Variants in SSBP2 observed in about 807,000 individuals in gnomAD.
The protein encoded by SSBP2 is single-stranded DNA-binding protein 2.
A neutral mutation model predicts 61.8 loss-of-function variants in SSBP2; 17 were observed. That is an observed-to-expected ratio of 0.28 (90% CI 0.19 to 0.41). The LOEUF (loss-of-function observed/expected upper bound fraction) is 0.41. SSBP2 is among the 10% of genes least tolerant of loss of function. SSBP2 has a pLI of 1.00. For missense variants in SSBP2, 310 were observed against 458.7 expected, an observed-to-expected ratio of 0.68 and a Z score of 2.96; for synonymous variants, 139 against 141.3, an observed-to-expected ratio of 0.98 and a Z score of 0.12.
chr5:81,588,824 G>C (rs988123644), intron 4 of SSBP2, among the ~76,000 whole-genome samples: 1 of 152,178 alleles, frequency 6.6e-6, no homozygotes, highest in Non-Finnish European at 1.5e-5. Flanking sequence ...AGCACTTTGG[G>C]AGGCTGAGGC....
intron 1 of SSBP2, among the ~76,000 whole-genome samples, chr5:81,750,427 C>G (rs1372964777): frequency 3.4e-5 from 5 of 145,998 alleles, no homozygotes; most frequent in Non-Finnish European, 7.6e-5. Flanking sequence ...CCGCCGCGCG[C>G]CCGGCACCGC....
At position 81,488,060 on chromosome 5, in the gene SSBP2, A is replaced by ATATAT. The variant is rs1561459590; in HGVS notation, c.432+1189_432+1190insATATA. On this transcript the variant is annotated intron_variant, in intron 6 of 16. Coordinates refer to ENST00000320672, the MANE Select transcript of SSBP2 (RefSeq NM_012446.5). ...ATATATATATATATATATATATATA[A>ATATAT]ATAAAATATCATATATTATATATAT... Among the ~76,000 whole-genome samples the ATATAT allele has an allele frequency of 1.2e-3, 69 of 56,774 alleles. 1 individual carries two copies. Among genetic ancestry groups the ATATAT allele is most frequent in the South Asian group, 8.4e-3 (12 of 1,424 alleles). 37.2% of individuals were successfully genotyped at this position (56,774 alleles called of 152,430 possible).
intron 15 of SSBP2, among the ~76,000 whole-genome samples, chr5:81,435,704 A>ATATC (rs747360292): frequency 5.3e-5 from 8 of 152,190 alleles, no homozygotes; most frequent in Non-Finnish European, 1.2e-4. Flanking sequence ...AATTTTGTTT[A>ATATC]TATCTATCTT....
In SSBP2 at chr5:81,737,797, A is replaced by C. The variant is rs558062130; in HGVS notation, c.62+13184T>G. Among the ~76,000 whole-genome samples, 611 of 151,398 alleles carry C rather than the reference A, an allele frequency of 4.0e-3. 8 individuals are homozygous for C. The highest frequency in any genetic ancestry group is 0.014 in the African/African-American group (577 of 41,312). ...AGTGAGACTCCATCTCAAAAAAAAA[A>C]AAAAAACAAAAAACTCAGCCCTGTT... On this transcript the variant is annotated intron_variant, in intron 1 of 16. Coordinates refer to ENST00000320672, the MANE Select transcript of SSBP2 (RefSeq NM_012446.5).
intron 1 of SSBP2, among the ~76,000 whole-genome samples, chr5:81,676,742 CAAAT>C (rs1163275086): frequency 7.2e-4 from 109 of 151,958 alleles, no homozygotes; most frequent in African/African-American, 2.5e-3. Flanking sequence ...AGAAATTACG[CAAAT>C]AAATAATTAT....
chr5:81,750,029 C>T (rs1382637683), intron 1 of SSBP2, among the ~76,000 whole-genome samples: 2 of 151,484 alleles, frequency 1.3e-5, no homozygotes, highest in East Asian at 3.9e-4. Context: ...CCCCGACCAC[C>T]GCCCCGCCGG....
At chr5:81,459,790 C>T (rs1040330107) in intron 10 of SSBP2, among the ~76,000 whole-genome samples, 1 of 152,116 alleles carries the variant, frequency 6.6e-6, no homozygotes, top group Non-Finnish European at 1.5e-5. Flanking sequence ...GCTAATAGAT[C>T]ATAAGAAGTA....
At position 81,573,284 on chromosome 5, in the gene SSBP2, T is replaced by C. The variant is rs117055271; in HGVS notation, c.282+42189A>G. 6.6e-4 allele frequency among the ~76,000 whole-genome samples: 101 copies of C among 152,362 alleles called. 1 individual carries two copies. In the East Asian group the frequency reaches 0.019, roughly 28 times the overall value. On this transcript the variant is annotated intron_variant, in intron 4 of 16. Coordinates refer to ENST00000320672, the MANE Select transcript of SSBP2 (RefSeq NM_012446.5). ...CATGGAATGGCTTAAAGGTTCCATATAAACTTGATAATGAAATGAAAAGAT... is the reference window on the plus strand; with the variant it reads ...CATGGAATGGCTTAAAGGTTCCATACAAACTTGATAATGAAATGAAAAGAT...
intron 4 of SSBP2, 65 bp from the exon 5 acceptor site, chr5:81,513,782 T>C (rs1383466372): frequency 3.6e-5 from 36 of 1,004,230 alleles, no homozygotes; most frequent in Non-Finnish European, 1.9e-5. Context: ...CAAAGACTAA[T>C]GATAATAGAT....
chr5:81,740,581 C>CCCTTGT (rs1756948220), intron 1 of SSBP2, among the ~76,000 whole-genome samples: 1 of 152,124 alleles, frequency 6.6e-6, no homozygotes, highest in Admixed American at 6.6e-5. Context: ...CCAAAAAAAG[C>CCCTTGT]CCAATAGGCC....
intron 5 of SSBP2, among the ~76,000 whole-genome samples, chr5:81,506,822 C>T (rs1331443311): frequency 6.6e-6 from 1 of 151,996 alleles, no homozygotes; most frequent in Admixed American, 6.6e-5. Context: ...TTAACCAGGA[C>T]TTATAAAACC....
intron 4 of SSBP2, among the ~76,000 whole-genome samples, chr5:81,514,361 T>C (rs1768846611): frequency 6.6e-6 from 1 of 151,948 alleles, no homozygotes; most frequent in South Asian, 2.1e-4. Flanking sequence ...AATTGAAAAA[T>C]TCAAAGTCTA....
chr5:81,666,820 TTCTG>T (rs1751173867), intron 1 of SSBP2, among the ~76,000 whole-genome samples: 3 of 152,320 alleles, frequency 2.0e-5, no homozygotes, highest in African/African-American at 4.8e-5. Flanking sequence ...AATCTTTACT[TTCTG>T]TCTGTGTTAT....
At chr5:81,557,263 T>C (rs567986652) in intron 4 of SSBP2, among the ~76,000 whole-genome samples, 1 of 152,314 alleles carries the variant, frequency 6.6e-6, no homozygotes, top group Admixed American at 6.5e-5. Flanking sequence ...GGCTGCTTTT[T>C]AGATTTTCTC....
chr5:81,449,812 C>A (rs539552605), intron 10 of SSBP2, among the ~76,000 whole-genome samples: 1 of 152,288 alleles, frequency 6.6e-6, no homozygotes, highest in African/African-American at 2.4e-5. Flanking sequence ...CTTACGCACA[C>A]AACACATGTC....
At chr5:81,731,348 C>T (rs906517608) in intron 1 of SSBP2, among the ~76,000 whole-genome samples, 8 of 152,234 alleles carry the variant, frequency 5.3e-5, no homozygotes, top group Middle Eastern at 3.4e-3. Flanking sequence ...CTAATATTTT[C>T]ATGGGGCAGA....
At chr5:81,674,857 G>A (rs769489516) in intron 1 of SSBP2, among the ~76,000 whole-genome samples, 3 of 152,092 alleles carry the variant, frequency 2.0e-5, no homozygotes, top group Non-Finnish European at 2.9e-5. Flanking sequence ...ATATCAAAAC[G>A]TAATTTATAG....
chr5:81,700,998 T>C (rs1026558584), intron 1 of SSBP2, among the ~76,000 whole-genome samples: 2 of 152,214 alleles, frequency 1.3e-5, no homozygotes, highest in Non-Finnish European at 2.9e-5. Context: ...TAATTTCCTT[T>C]AGGAAGCTTT....
At chr5:81,442,616 C>T in intron 13 of SSBP2, 37 bp downstream of exon 13, 1 of 1,201,276 alleles carries the variant, frequency 8.3e-7, no homozygotes, top group Non-Finnish European at 1.2e-6. Flanking sequence ...TGAAAGTCTT[C>T]AAATACATTC....
Sources: gnomAD v4.1 joint callset for allele counts (sites outside exome capture counted in the v4.1 genomes callset) on GRCh38, gnomAD v4.1.1 for gene constraint, MANE v1.5 for transcripts, NCBI Gene and HGNC (gene_info 2026-07-23, HGNC 2026-07-21) for gene names.